GPC6: variants seen among roughly 807,000 people sequenced by gnomAD.
GPC6 encodes glypican-6.
In GPC6, 14 loss-of-function variants were observed where a neutral mutation model predicts 55.2. That is an observed-to-expected ratio of 0.25 (90% confidence interval 0.17 to 0.40). GPC6 has a LOEUF of 0.40. Ranked by LOEUF, GPC6 falls within the 10% of genes least tolerant of loss-of-function variation. The pLI is 1.00. For missense variants in GPC6, 641 were observed against 708.5 expected, an observed-to-expected ratio of 0.90 and a Z score of 1.08; for synonymous variants, 278 against 259.6, an observed-to-expected ratio of 1.07 and a Z score of -0.68.
chr13:93,742,915 T>G, intron 2 of GPC6, among the ~76,000 whole-genome samples: 1 of 152,078 alleles, frequency 6.6e-6, no homozygotes, highest in African/African-American at 2.4e-5. Flanking sequence ...CTTCAGAGCA[T>G]GTTTCACTAT....
At chr13:93,873,039 T>C (rs1453759061) in intron 3 of GPC6, among the ~76,000 whole-genome samples, 1 of 151,712 alleles carries the variant, frequency 6.6e-6, no homozygotes, top group African/African-American at 2.4e-5. Flanking sequence ...CAACAAAATG[T>C]AGAAAAAAAT....
Position 94,044,572 on chromosome 13 carries a change from T to C in GPC6, c.877+16678T>C, listed in dbSNP as rs74985578. ...TTCCAATATTTTGCTATAACAAATA[T>C]GCTATAATGATTGACTTAATGAATG... On this transcript the variant is annotated intron_variant, in intron 4 of 8. Transcript: ENST00000377047. Among the ~76,000 whole-genome samples the C allele has an allele frequency of 3.3e-3, 504 of 152,050 alleles. 1 individual carries two copies. The highest frequency in any genetic ancestry group is 0.011 in the African/African-American group (472 of 41,532).
At chr13:93,858,872 G>A (rs1888715848) in intron 3 of GPC6, among the ~76,000 whole-genome samples, 2 of 151,520 alleles carry the variant, frequency 1.3e-5, no homozygotes, top group African/African-American at 4.8e-5. Flanking sequence ...TATAAAAAGG[G>A]AAGGGAGACA....
intron 3 of GPC6, among the ~76,000 whole-genome samples, chr13:93,898,940 A>AATATATATATATATATAT (rs66531953): frequency 4.3e-4 from 59 of 136,648 alleles, no homozygotes; most frequent in Admixed American, 2.5e-3. Flanking sequence ...ATTATATATA[A>AATATATATATATATATAT]ATATATATAT....
intron 5 of GPC6, among the ~76,000 whole-genome samples, chr13:94,290,918 A>C (rs1874926536): frequency 6.6e-6 from 1 of 152,204 alleles, no homozygotes; most frequent in East Asian, 1.9e-4. Context: ...GAGACCGGGC[A>C]TGGTGGTTCA....
chr13:94,335,307 C>T (rs1309028630), intron 6 of GPC6, among the ~76,000 whole-genome samples: 4 of 152,304 alleles, frequency 2.6e-5, no homozygotes, highest in Admixed American at 2.0e-4. Context: ...TGAATGTCCA[C>T]AAACCCTTAT....
At chr13:94,371,935 T>C (rs1594214829) in intron 6 of GPC6, among the ~76,000 whole-genome samples, 1 of 152,146 alleles carries the variant, frequency 6.6e-6, no homozygotes, top group African/African-American at 2.4e-5. Context: ...TTAGCACTTA[T>C]TCAATAATAT....
In GPC6 at chr13:94,065,094, C is replaced by A. The variant is rs896060942; in HGVS notation, c.877+37200C>A. 4.6e-5 allele frequency among the ~76,000 whole-genome samples: 7 copies of A among 150,918 alleles called. No individual in the cohort carries two copies. In the East Asian group the frequency reaches 9.7e-4, roughly 21 times the overall value. On this transcript the variant is annotated intron_variant, in intron 4 of 8. Coordinates refer to ENST00000377047, the MANE Select transcript of GPC6 (RefSeq NM_005708.5). ...AATATGACAACTTTTGATCTTTATA[C>A]CCATTTTTTTTTTGTGATGTGTCAC...
chr13:93,236,015 G>C (rs1876221936), intron 1 of GPC6, among the ~76,000 whole-genome samples: 1 of 152,164 alleles, frequency 6.6e-6, no homozygotes, highest in Non-Finnish European at 1.5e-5. Flanking sequence ...TAGAGGCACA[G>C]AAAGAAATGA....
At chr13:93,798,969 T>A (rs1886290631) in intron 2 of GPC6, among the ~76,000 whole-genome samples, 1 of 150,432 alleles carries the variant, frequency 6.6e-6, no homozygotes, top group South Asian at 2.1e-4. Context: ...CACATAGATG[T>A]CTTAGCAAAA....
At chr13:94,345,719 G>A (rs1878254033) in intron 6 of GPC6, among the ~76,000 whole-genome samples, 1 of 152,154 alleles carries the variant, frequency 6.6e-6, no homozygotes, top group African/African-American at 2.4e-5. Context: ...CTGGCTCCTG[G>A]ACATATGCGA....
At chr13:93,968,467 A>G (rs6650320) in intron 3 of GPC6, among the ~76,000 whole-genome samples, 35,375 of 151,822 alleles carry the variant, frequency 0.23, 4,691 homozygotes, top group East Asian at 0.39. Context: ...TATTATACTC[A>G]TTTTTTTCTT....
At chr13:93,778,545 G>A (rs1885538626) in intron 2 of GPC6, among the ~76,000 whole-genome samples, 1 of 152,172 alleles carries the variant, frequency 6.6e-6, no homozygotes, top group Non-Finnish European at 1.5e-5. Flanking sequence ...CTACTTTTGA[G>A]GTTGAGGTGA....
At chr13:94,326,297 T>C (rs887995392) in intron 6 of GPC6, among the ~76,000 whole-genome samples, 1 of 151,918 alleles carries the variant, frequency 6.6e-6, no homozygotes, top group Non-Finnish European at 1.5e-5. Context: ...TCATCTTGAC[T>C]CCTCTCCTTT....
intron 5 of GPC6, among the ~76,000 whole-genome samples, chr13:94,304,126 C>G (rs1388196121): frequency 6.6e-6 from 1 of 152,206 alleles, no homozygotes; most frequent in Non-Finnish European, 1.5e-5. Flanking sequence ...TTAGGCACTA[C>G]GGAGAAAAGG....
At chr13:93,926,558 T>C (rs1306514115) in intron 3 of GPC6, among the ~76,000 whole-genome samples, 2 of 152,184 alleles carry the variant, frequency 1.3e-5, no homozygotes, top group East Asian at 3.9e-4. Flanking sequence ...ATTTGCATCT[T>C]CATTGCACCA....
At chr13:94,379,193 A>T (rs1292566662) in intron 6 of GPC6, among the ~76,000 whole-genome samples, 2 of 152,260 alleles carry the variant, frequency 1.3e-5, no homozygotes, top group Admixed American at 6.5e-5. Context: ...CCTTCCTGAT[A>T]TTGAAAAATA....
chr13:93,872,667 G>A (rs1889164789), intron 3 of GPC6, among the ~76,000 whole-genome samples: 1 of 151,534 alleles, frequency 6.6e-6, no homozygotes, highest in African/African-American at 2.4e-5. Flanking sequence ...GATTACTCTG[G>A]GCCCACCCAT....
intron 3 of GPC6, among the ~76,000 whole-genome samples, chr13:93,945,523 G>A (rs1451529338): frequency 6.6e-6 from 1 of 152,188 alleles, no homozygotes; most frequent in Admixed American, 6.5e-5. Context: ...GACATCTTAC[G>A]TGGTGAGATT....
Sources: gnomAD v4.1 joint callset for allele counts (sites outside exome capture counted in the v4.1 genomes callset) on GRCh38, gnomAD v4.1.1 for gene constraint, MANE v1.5 for transcripts, NCBI Gene and HGNC (gene_info 2026-07-23, HGNC 2026-07-21) for gene names.